ASTN2: variants seen among roughly 807,000 people sequenced by gnomAD.
ASTN2 encodes the protein astrotactin 2.
Under a neutral mutation model 139.8 loss-of-function variants are expected in ASTN2, and 54 were observed. The ratio of observed to expected loss-of-function variants is 0.39; its 90% CI spans 0.31 to 0.48. The LOEUF (loss-of-function observed/expected upper bound fraction) is 0.48. Among genes scored for constraint, ASTN2 ranks in the 20% least tolerant of loss-of-function variants. The pLI is 0.95. For synonymous variants in ASTN2, 756 were observed against 719.5 expected (o/e 1.05, Z -0.81); for missense variants, 1,565 against 1,725.1 (o/e 0.91, Z 1.64).
intron 1 of ASTN2, among the ~76,000 whole-genome samples, chr9:117,365,152 CAA>C (rs1457214590): frequency 8.2e-6 from 1 of 122,332 alleles, no homozygotes; most frequent in African/African-American, 3.1e-5. Context: ...CTGTCTCAGA[CAA>C]AAACAAACAA....
intron 17 of ASTN2, among the ~76,000 whole-genome samples, chr9:116,647,185 TAC>T (rs1760003848): frequency 6.6e-6 from 1 of 152,220 alleles, no homozygotes; most frequent in African/African-American, 2.4e-5. Context: ...TAGTACTCTA[TAC>T]AGTCTTGACT....
At chr9:116,621,805 G>A (rs536320912) in intron 17 of ASTN2, among the ~76,000 whole-genome samples, 74 of 152,294 alleles carry the variant, frequency 4.9e-4, no homozygotes, top group Non-Finnish European at 8.5e-4. Context: ...GAACTTGGAA[G>A]GCACTTTTTT....
chr9:117,224,678 G>A (rs1010828172), intron 2 of ASTN2, among the ~76,000 whole-genome samples: 10 of 152,208 alleles, frequency 6.6e-5, no homozygotes, highest in African/African-American at 2.2e-4. Context: ...TATTACAGGT[G>A]TAAATGCATA....
At chr9:117,178,739 A>C (rs1434821253) in intron 3 of ASTN2, among the ~76,000 whole-genome samples, 1 of 152,200 alleles carries the variant, frequency 6.6e-6, no homozygotes. Flanking sequence ...CAGGCAGGGA[A>C]ATCAAAGTGC....
chr9:117,078,886 C>G (rs987757313), intron 5 of ASTN2, among the ~76,000 whole-genome samples: 1 of 152,130 alleles, frequency 6.6e-6, no homozygotes, highest in African/African-American at 2.4e-5. Context: ...CAGGTATGGG[C>G]CACCATGCCC....
intron 3 of ASTN2, among the ~76,000 whole-genome samples, chr9:117,163,923 A>C (rs1830610291): frequency 1.3e-5 from 2 of 152,100 alleles, no homozygotes; most frequent in Non-Finnish European, 1.5e-5. Context: ...TGTATAACTT[A>C]TGACTCTCCA....
intron 4 of ASTN2, among the ~76,000 whole-genome samples, chr9:117,126,353 T>C (rs1829689429): frequency 6.6e-6 from 1 of 152,180 alleles, no homozygotes; most frequent in Non-Finnish European, 1.5e-5. Flanking sequence ...AGGTCTAAAT[T>C]TACCTCCAAG....
intron 19 of ASTN2, among the ~76,000 whole-genome samples, chr9:116,581,303 G>C (rs990648601): frequency 6.6e-6 from 1 of 152,050 alleles, no homozygotes; most frequent in African/African-American, 2.4e-5. Context: ...TCAAATTTTG[G>C]CTCTGCCATT....
chr9:117,073,867 G>A (rs932967587), intron 5 of ASTN2, among the ~76,000 whole-genome samples: 1 of 152,144 alleles, frequency 6.6e-6, no homozygotes, highest in African/African-American at 2.4e-5. Context: ...GGCTGAGAAT[G>A]GAACAAAGCC....
intron 11 of ASTN2, among the ~76,000 whole-genome samples, chr9:116,837,865 G>A (rs1832053476): frequency 6.6e-6 from 1 of 152,198 alleles, no homozygotes; most frequent in African/African-American, 2.4e-5. Context: ...ACAAACTTGG[G>A]CCTGAAAGGC....
chr9:117,362,719 A>G (rs1396098799), intron 1 of ASTN2, among the ~76,000 whole-genome samples: 2 of 152,028 alleles, frequency 1.3e-5, no homozygotes, highest in Non-Finnish European at 2.9e-5. Context: ...CACCACCACC[A>G]CTGTGCCCCA....
At chr9:116,486,389 T>A (rs576088412) in intron 20 of ASTN2, among the ~76,000 whole-genome samples, 6 of 151,888 alleles carry the variant, frequency 4.0e-5, no homozygotes, top group African/African-American at 7.3e-5. Context: ...TAAGAGCAGG[T>A]GAATAGATGG....
intron 12 of ASTN2, among the ~76,000 whole-genome samples, chr9:116,817,777 C>T (rs1031803316): frequency 6.6e-6 from 1 of 152,192 alleles, no homozygotes; most frequent in African/African-American, 2.4e-5. Context: ...TTATGGTTTA[C>T]TGAGTGCTTA....
At chr9:116,811,996 C>T (rs932841147) in intron 12 of ASTN2, among the ~76,000 whole-genome samples, 1 of 152,116 alleles carries the variant, frequency 6.6e-6, no homozygotes, top group African/African-American at 2.4e-5. Flanking sequence ...ATAAGGTATA[C>T]ATATAATTTG....
chr9:116,800,243 C>G (rs1830809126), intron 13 of ASTN2, among the ~76,000 whole-genome samples: 1 of 152,086 alleles, frequency 6.6e-6, no homozygotes, highest in Non-Finnish European at 1.5e-5. Flanking sequence ...CTTCTTAATT[C>G]TTTCTTTGCT....
chr9:116,478,195 G>A (rs1849051739), intron 20 of ASTN2, among the ~76,000 whole-genome samples: 1 of 108,070 alleles, frequency 9.3e-6, no homozygotes, highest in South Asian at 4.2e-4. Context: ...AAGGAAGGAA[G>A]GAAAGAAGGA....
intron 1 of ASTN2, among the ~76,000 whole-genome samples, chr9:117,340,521 G>A (rs1469146381): frequency 1.3e-5 from 2 of 151,942 alleles, no homozygotes; most frequent in African/African-American, 2.4e-5. Context: ...TCTCTACCAC[G>A]CTAAGACCTG....
chr9:117,352,142 T>C (rs1829411510), intron 1 of ASTN2, among the ~76,000 whole-genome samples: 1 of 152,158 alleles, frequency 6.6e-6, no homozygotes, highest in Non-Finnish European at 1.5e-5. Context: ...TCTTCAGCCC[T>C]GGGCTGAGGA....
At chr9:116,604,515 G>C (rs1172697025) in intron 19 of ASTN2, among the ~76,000 whole-genome samples, 1 of 152,082 alleles carries the variant, frequency 6.6e-6, no homozygotes, top group African/African-American at 2.4e-5. Context: ...ACCTCTCTCA[G>C]GCTGACCCGG....
Sources: allele counts gnomAD v4.1 joint callset (sites outside exome capture counted in the v4.1 genomes callset), GRCh38; gene constraint gnomAD v4.1.1; transcripts MANE v1.5; gene names NCBI Gene and HGNC (gene_info 2026-07-23, HGNC 2026-07-21).